Variants in WDR82 observed in about 807,000 individuals in gnomAD.
WDR82 encodes the protein WD repeat-containing protein 82.
WDR82 carries 8 observed loss-of-function variants against 36.1 expected under a neutral mutation model. The ratio of observed to expected loss-of-function variants is 0.22; its 90% CI spans 0.13 to 0.40. The LOEUF (loss-of-function observed/expected upper bound fraction) is 0.40. WDR82 is among the 10% of genes least tolerant of loss of function. WDR82 has a pLI of 1.00. For missense variants in WDR82, 185 were observed against 400.5 expected (o/e 0.46, Z 4.59); for synonymous variants, 129 against 137.8 (o/e 0.94, Z 0.45).
rs552159030 is a variant in WDR82 at position 52,254,581 on chromosome 3, T to G, written c.*2909A>C. 12 of 152,758 alleles carry G rather than the reference T, an allele frequency of 7.9e-5. No individual in the cohort carries two copies. Among genetic ancestry groups the G allele is most frequent in the African/African-American group, 2.9e-4 (12 of 41,568 alleles). The allele number at this position is 152,758 out of a possible 1,614,324, so 9.5% of individuals were successfully genotyped here. A position where few individuals can be genotyped will look rare whatever the true frequency, so the allele number is the denominator to read the frequency against. ...GGGGGAACATTTAACACCAAAAGAT[T>G]AACAGTGGTAGCATTTGGGTGGCAA... On this transcript the variant is annotated 3_prime_UTR_variant, in exon 9 of 9. Transcript: ENST00000296490.
intron 3 of WDR82, among the ~76,000 whole-genome samples, chr3:52,265,807 C>T (rs569458611): frequency 2.0e-5 from 3 of 152,220 alleles, no homozygotes; most frequent in South Asian, 2.1e-4. Context: ...AACTCCTGCA[C>T]TCAAGCAATC....
intron 3 of WDR82, among the ~76,000 whole-genome samples, chr3:52,266,119 A>G (rs1264157213): frequency 1.3e-5 from 2 of 152,226 alleles, no homozygotes; most frequent in African/African-American, 4.8e-5. Context: ...ATTACAATAC[A>G]GAAAAAGGAG....
chr3:52,263,980 A>G (rs908825047), intron 3 of WDR82, among the ~76,000 whole-genome samples: 40 of 152,130 alleles, frequency 2.6e-4, no homozygotes, highest in Non-Finnish European at 1.3e-4. Context: ...CCTGGCCAAC[A>G]TGGTGAAACC....
chr3:52,258,425 G>A (rs1700031102), intron 8 of WDR82, 111 bp downstream of exon 8: 1 of 1,237,348 alleles, frequency 8.1e-7, no homozygotes, highest in South Asian at 1.3e-5. Flanking sequence ...CATGTACTTG[G>A]ATGCTTGTAA....
intron 2 of WDR82, 161 bp from the exon 3 acceptor site, chr3:52,267,179 A>G: frequency 2.0e-6 from 1 of 505,288 alleles, no homozygotes; most frequent in Non-Finnish European, 3.5e-6. Flanking sequence ...GCAGCTGAAG[A>G]GTGGGTATGT....
chr3:52,267,242 A>C, intron 2 of WDR82: 1 of 362,466 alleles, frequency 2.8e-6, no homozygotes, highest in Non-Finnish European at 5.1e-6. Flanking sequence ...ATAGAAAGCA[A>C]TGTTTGAAAT....
At chr3:52,275,291 G>A (rs929542903) in intron 1 of WDR82, among the ~76,000 whole-genome samples, 3 of 152,048 alleles carry the variant, frequency 2.0e-5, no homozygotes, top group African/African-American at 7.2e-5. Flanking sequence ...TTCTGAGGTC[G>A]GTTTGACCTA....
At chr3:52,259,348 G>GC (rs1700039823) in intron 6 of WDR82, 82 bp from the exon 7 acceptor site, 1 of 1,311,986 alleles carries the variant, frequency 7.6e-7, no homozygotes, top group Admixed American at 1.8e-5. Context: ...CTCAGCACAT[G>GC]CATCACCTTC....
Position 52,259,256 on chromosome 3 carries a change from T to C in WDR82, c.710A>G (p.Asn237Ser). Residue 237 changes from asparagine (N) to serine (S), a missense_variant, in exon 7 of 9, where the codon AAC becomes AGC. Physicochemically the swap from Asn to Ser is conservative, Grantham distance 46. Around this residue, in one of 3 missense-constraint regions of WDR82, gnomAD observed 110 missense variants for 212.6 expected, o/e 0.52. Coordinates refer to ENST00000296490, the MANE Select transcript of WDR82 (RefSeq NM_025222.4). ...VVMHTFGGYANSKAVTLEASF... is the reference protein window; with the variant it reads ...VVMHTFGGYASSKAVTLEASF... ...AGCCTCCAGTGTGACAGCTTTGCTG[T>C]TGGCATAACCCTAAAACAAAACAGA... 1.2e-6 allele frequency: 2 copies of C among 1,614,210 alleles called. No homozygotes were observed. Among genetic ancestry groups the C allele is most frequent in the Non-Finnish European group, 1.7e-6 (2 of 1,180,040 alleles).
At chr3:52,261,929 A>G (rs1422658897) in intron 3 of WDR82, among the ~76,000 whole-genome samples, 1 of 152,234 alleles carries the variant, frequency 6.6e-6, no homozygotes, top group Non-Finnish European at 1.5e-5. Flanking sequence ...AACTGAAAAT[A>G]TATGTCCACA....
At chr3:52,260,125 G>A (rs1272131871) in intron 5 of WDR82, among the ~76,000 whole-genome samples, 1 of 152,148 alleles carries the variant, frequency 6.6e-6, no homozygotes, top group Non-Finnish European at 1.5e-5. Context: ...GAGGTGAGGA[G>A]TTTGAGACCA....
At chr3:52,265,566 C>CTTTTT (rs959125432) in intron 3 of WDR82, among the ~76,000 whole-genome samples, 3 of 120,750 alleles carry the variant, frequency 2.5e-5, no homozygotes, top group Non-Finnish European at 3.4e-5. Context: ...GGAAGTGCAA[C>CTTTTT]TTTTTTTTTT....
rs1316924470 is a variant in WDR82 at position 52,254,800 on chromosome 3, A to G, written c.*2690T>C. On this transcript the variant is annotated 3_prime_UTR_variant, in exon 9 of 9. Coordinates refer to ENST00000296490, the MANE Select transcript of WDR82 (RefSeq NM_025222.4). The stretch of plus-strand genomic sequence containing the variant: ...TCCCCAATAGGGCTTGAGCACCTGT[A>G]GCCCTGCTGAGCACGTCTGTGCAGC... 1 of 152,238 alleles carries G rather than the reference A, an allele frequency of 6.6e-6. No individual in the cohort carries two copies. Among genetic ancestry groups the G allele is most frequent in the Non-Finnish European group, 1.5e-5 (1 of 68,048 alleles). 9.4% of individuals were successfully genotyped at this position (152,238 alleles called of 1,614,324 possible).
rs143877752 is a variant in WDR82, at chr3:52,276,910, TG to T, written c.161+1290del. On this transcript the variant is annotated intron_variant, in intron 1 of 8. Transcript: ENST00000296490. The stretch of plus-strand genomic sequence containing the variant: ...TCACAGCCCCAGTGGGGAAAAAAAC[TG>T]GGGGGATACCATTATAGCTCAGTCC... Among the ~76,000 whole-genome samples the T allele has an allele frequency of 7.9e-5, 12 of 151,362 alleles. 1 individual carries two copies. In the East Asian group the frequency reaches 2.3e-3, roughly 29 times the overall value.
rs544211155 is a variant in WDR82, at chr3:52,256,465, T to C, written c.*1025A>G. On this transcript the variant is annotated 3_prime_UTR_variant, in exon 9 of 9. Coordinates refer to ENST00000296490, the MANE Select transcript of WDR82 (RefSeq NM_025222.4). ...AAAGGTCATATATAAAAACGCTAAA[T>C]ATGACATATAACACAGGCCTAGAAC... 6.5e-6 allele frequency: 1 copy of C among 153,776 alleles called. No individual in the cohort carries two copies. The highest frequency in any genetic ancestry group is 1.9e-4 in the East Asian group (1 of 5,192). 9.5% of individuals were successfully genotyped at this position (153,776 alleles called of 1,614,324 possible).
At chr3:52,276,459 A>G (rs1578013088) in intron 1 of WDR82, among the ~76,000 whole-genome samples, 1 of 152,072 alleles carries the variant, frequency 6.6e-6, no homozygotes, top group East Asian at 1.9e-4. Context: ...CAAAAAAAAG[A>G]AAGACAGGAC....
intron 3 of WDR82, among the ~76,000 whole-genome samples, chr3:52,266,403 C>G (rs1700106768): frequency 6.6e-6 from 1 of 151,886 alleles, no homozygotes; most frequent in Non-Finnish European, 1.5e-5. Context: ...ATATATCTAA[C>G]TAGAAATAGA....
At chr3:52,267,934 C>T (rs1365649503) in intron 2 of WDR82, 1 of 157,858 alleles carries the variant, frequency 6.3e-6, no homozygotes, top group Non-Finnish European at 1.4e-5. Flanking sequence ...ATAGAAAGAA[C>T]ATTCTGAAGG....
Position 52,268,077 on chromosome 3 carries a change from C to G in WDR82, c.260-1059G>C, listed in dbSNP as rs573278765. ...ATAGGGATATTTGTATATTCCATAACTTGAACACTACACAATTTTCCTTGA... is the reference window on the plus strand; with the variant it reads ...ATAGGGATATTTGTATATTCCATAAGTTGAACACTACACAATTTTCCTTGA... On this transcript the variant is annotated intron_variant, in intron 2 of 8. Coordinates refer to ENST00000296490, the MANE Select transcript of WDR82 (RefSeq NM_025222.4). 44 of 288,314 alleles carry G rather than the reference C, an allele frequency of 1.5e-4. No homozygotes were observed. In the East Asian group the frequency reaches 3.5e-3, roughly 23 times the overall value. The allele number at this position is 288,314 out of a possible 1,614,324, so 17.9% of individuals were successfully genotyped here. A position where few individuals can be genotyped will look rare whatever the true frequency, so the allele number is the denominator to read the frequency against.
Sources: gnomAD v4.1 joint callset for allele counts (sites outside exome capture counted in the v4.1 genomes callset) on GRCh38, gnomAD v4.1.1 for gene constraint, gnomAD v4.1.1 regional missense constraint, MANE v1.5 for transcripts, NCBI Gene and HGNC (gene_info 2026-07-23, HGNC 2026-07-21) for gene names.